Variants in PIWIL2 observed in about 807,000 individuals in gnomAD.
PIWIL2 encodes piwi-like protein 2.
A neutral mutation model predicts 116.5 loss-of-function variants in PIWIL2; 81 were observed. The ratio of observed to expected loss-of-function variants is 0.70; its 90% CI spans 0.58 to 0.84. The LOEUF is 0.84. Ranked by LOEUF, PIWIL2 falls within the 40% of genes least tolerant of loss-of-function variation. The pLI is 0.00. For synonymous variants in PIWIL2, 489 were observed against 429.5 expected (o/e 1.14, Z -1.71); for missense variants, 1,272 against 1,212.3 (o/e 1.05, Z -0.73).
In PIWIL2 at chr8:22,315,135, A is replaced by G; in HGVS notation, c.2198A>G (p.Asp733Gly). Residue 733 changes from aspartate (D) to glycine (G), a missense_variant, in exon 18 of 23, where the codon GAT becomes GGT. Asp to Gly is a moderately conservative substitution (Grantham distance 94). Transcript: ENST00000356766. ...TTGGGTGGTGAGCTCTGGGGAGTGG[A>G]TATTCCTCTGGTGAGTGATGCCGAG... ...CKLGGELWGVDIPLKQLMVIG... is the reference protein window; with the variant it reads ...CKLGGELWGVGIPLKQLMVIG... The G allele has an allele frequency of 6.4e-7, 1 of 1,555,646 alleles. No homozygotes were observed. Among genetic ancestry groups the G allele is most frequent in the African/African-American group, 1.4e-5 (1 of 73,898 alleles).
intron 17 of PIWIL2, among the ~76,000 whole-genome samples, chr8:22,314,797 G>A (rs567782244): frequency 2.5e-4 from 38 of 152,062 alleles, no homozygotes; most frequent in African/African-American, 9.2e-4. Context: ...TCATTTGTTG[G>A]TTTTATTTTG....
intron 10 of PIWIL2, among the ~76,000 whole-genome samples, chr8:22,297,923 T>G (rs1170141593): frequency 6.6e-6 from 1 of 152,118 alleles, no homozygotes; most frequent in Non-Finnish European, 1.5e-5. Context: ...CAAAAATGCC[T>G]TATATGTATA....
chr8:22,308,787 T>A (rs1229338106), intron 14 of PIWIL2, among the ~76,000 whole-genome samples: 2 of 152,172 alleles, frequency 1.3e-5, no homozygotes, highest in Admixed American at 1.3e-4. Context: ...TAGTTGGAAT[T>A]ACAGGCGCAC....
intron 10 of PIWIL2, among the ~76,000 whole-genome samples, chr8:22,301,488 T>C (rs1259817902): frequency 6.6e-6 from 1 of 151,994 alleles, no homozygotes; most frequent in Non-Finnish European, 1.5e-5. Flanking sequence ...GAGATGGGGT[T>C]TCACCATGTT....
intron 13 of PIWIL2, among the ~76,000 whole-genome samples, chr8:22,306,284 A>T (rs6993855): frequency 1.3e-5 from 2 of 152,192 alleles, no homozygotes; most frequent in Admixed American, 6.5e-5. Context: ...AAGAAGAAAC[A>T]AACAACTCTG....
chr8:22,294,234 A>G (rs546385307), intron 10 of PIWIL2, among the ~76,000 whole-genome samples: 1 of 148,566 alleles, frequency 6.7e-6, no homozygotes, highest in African/African-American at 2.5e-5. Flanking sequence ...GCTACTTAGG[A>G]GGCGGAGGCA....
intron 14 of PIWIL2, among the ~76,000 whole-genome samples, chr8:22,309,064 CGA>C (rs1563381725): frequency 6.6e-6 from 1 of 151,756 alleles, no homozygotes; most frequent in East Asian, 1.9e-4. Flanking sequence ...CAGGTTCAAG[CGA>C]TTCTCCTGCC....
rs1181049865 is a variant in PIWIL2 at position 22,330,745 on chromosome 8, A to AAATAAAT, written c.2403+12471_2403+12472insATAAATA. The stretch of plus-strand genomic sequence containing the variant: ...ATAAATAAATAAATAAATAAATAAA[A>AAATAAAT]ATAGTTGATATAAAGACTGTCTATA... On this transcript the variant is annotated intron_variant, in intron 20 of 22. Transcript: ENST00000356766. Among the ~76,000 whole-genome samples, 441 of 122,252 alleles carry AAATAAAT rather than the reference A, an allele frequency of 3.6e-3. 2 individuals carry two copies. Among genetic ancestry groups the AAATAAAT allele is most frequent in the Admixed American group, 9.2e-3 (114 of 12,440 alleles). 80.2% of individuals were successfully genotyped at this position (122,252 alleles called of 152,430 possible).
chr8:22,290,697 C>G (rs2132001039), intron 10 of PIWIL2, among the ~76,000 whole-genome samples: 1 of 149,912 alleles, frequency 6.7e-6, no homozygotes, highest in Middle Eastern at 3.5e-3. Flanking sequence ...AGGGATCCTC[C>G]TACCTCAGCC....
intron 10 of PIWIL2, among the ~76,000 whole-genome samples, chr8:22,297,479 AT>A (rs892474028): frequency 7.9e-5 from 12 of 151,214 alleles, no homozygotes; most frequent in South Asian, 2.1e-4. Context: ...TATCTTTTTA[AT>A]TTTTTTTTAT....
chr8:22,316,486 G>A (rs572791200), intron 19 of PIWIL2, among the ~76,000 whole-genome samples, 153 bp downstream of exon 19: 11 of 148,608 alleles, frequency 7.4e-5, no homozygotes, highest in Non-Finnish European at 1.5e-4. Flanking sequence ...TTTTTTTTTC[G>A]GGGGGGAGGG....
At chr8:22,330,784 G>A (rs903982799) in intron 20 of PIWIL2, among the ~76,000 whole-genome samples, 2 of 152,040 alleles carry the variant, frequency 1.3e-5, no homozygotes, top group African/African-American at 2.4e-5. Flanking sequence ...CCACGTCTGG[G>A]CTTCCTCAAG....
rs1244875951 is a variant in PIWIL2, at chr8:22,353,076, G to A, written c.2521G>A (p.Glu841Lys). Residue 841 changes from glutamate (E) to lysine (K), a missense_variant, in exon 21 of 23, where the codon GAG (glutamate) becomes AAG (lysine). Glu to Lys is a moderately conservative substitution (Grantham distance 56, BLOSUM62 1). Transcript: ENST00000356766. ...ACTACAGAAGTGTTTTGAAGCTTTTGAGAATTATCAGCCCAAGATGGTGGT... is the reference window on the plus strand; with the variant it reads ...ACTACAGAAGTGTTTTGAAGCTTTTAAGAATTATCAGCCCAAGATGGTGGT... ...PQLQKCFEAF[E>K]NYQPKMVVFV... 1 of 1,614,086 alleles carries A rather than the reference G, an allele frequency of 6.2e-7. No homozygotes were observed. Among genetic ancestry groups the A allele is most frequent in the Non-Finnish European group, 8.5e-7 (1 of 1,180,032 alleles).
chr8:22,319,374 T>C (rs1040345087), intron 20 of PIWIL2, among the ~76,000 whole-genome samples: 1 of 152,240 alleles, frequency 6.6e-6, no homozygotes, highest in Non-Finnish European at 1.5e-5. Flanking sequence ...TACCAGACTT[T>C]CCTTTTTGTT....
intron 21 of PIWIL2, 130 bp from the exon 22 acceptor site, chr8:22,354,141 C>G: frequency 1.5e-6 from 1 of 646,762 alleles, no homozygotes; most frequent in Non-Finnish European, 2.8e-6. Flanking sequence ...GGTCTGGCCT[C>G]TGTGTCCTTG....
At position 22,337,070 on chromosome 8, in the gene PIWIL2, C is replaced by T. The variant is rs146654980; in HGVS notation, c.2404-15889C>T. 2.6e-5 allele frequency among the ~76,000 whole-genome samples: 4 copies of T among 152,126 alleles called. No individual in the cohort carries two copies. In the East Asian group the frequency reaches 7.7e-4, roughly 29 times the overall value. ...TAGACCTTATATTTAAATAAGAAAC[C>T]AGTTTTGTTTTGCTTTGTTTTTACA... On this transcript the variant is annotated intron_variant, in intron 20 of 22. Transcript: ENST00000356766.
At position 22,334,709 on chromosome 8, in the gene PIWIL2, G is replaced by A. The variant is rs1831940614; in HGVS notation, c.2403+16434G>A. ...GATTCTCTTACCTCAGCCTCCCAAA[G>A]CACTGGGATTACAGGTATAAGCTAC... is the stretch of plus-strand genomic sequence containing the variant. On this transcript the variant is annotated intron_variant, in intron 20 of 22. Transcript: ENST00000356766. Among the ~76,000 whole-genome samples, 4 of 151,936 alleles carry A rather than the reference G, an allele frequency of 2.6e-5. No individual in the cohort carries two copies. The South Asian group carries it at 8.3e-4, about 32-fold the overall frequency.
intron 4 of PIWIL2, among the ~76,000 whole-genome samples, chr8:22,281,797 A>G (rs1322382064): frequency 3.5e-5 from 5 of 142,552 alleles, no homozygotes; most frequent in Admixed American, 7.1e-5. Context: ...TTTGAGATGA[A>G]GTTTTGCTCT....
At chr8:22,340,877 A>C (rs1014556467) in intron 20 of PIWIL2, among the ~76,000 whole-genome samples, 1 of 152,002 alleles carries the variant, frequency 6.6e-6, no homozygotes, top group African/African-American at 2.4e-5. Context: ...ATTTCTGGCT[A>C]ATTTTTTAAT....
Sources: allele counts gnomAD v4.1 joint callset (sites outside exome capture counted in the v4.1 genomes callset), GRCh38; gene constraint gnomAD v4.1.1; transcripts MANE v1.5; gene names NCBI Gene and HGNC (gene_info 2026-07-23, HGNC 2026-07-21).